TRIB1: variants seen among roughly 807,000 people sequenced by gnomAD.
TRIB1 encodes the protein tribbles pseudokinase 1.
TRIB1 carries 12 observed loss-of-function variants against 27.8 expected under a neutral mutation model. The ratio of observed to expected loss-of-function variants is 0.43; its 90% confidence interval spans 0.28 to 0.70. The LOEUF is 0.70. Ranked by LOEUF, TRIB1 falls within the 30% of genes least tolerant of loss-of-function variation. The pLI is 0.18. For missense variants in TRIB1, 475 were observed against 515.8 expected, an observed-to-expected ratio of 0.92 and a Z score of 0.77; for synonymous variants, 230 against 224.9, an observed-to-expected ratio of 1.02 and a Z score of -0.20.
At position 125,430,603 on chromosome 8, in the gene TRIB1, A is replaced by C; in HGVS notation, c.-300A>C. 1 of 293,960 alleles carries C rather than the reference A, an allele frequency of 3.4e-6. No homozygotes were observed. 18.2% of individuals were successfully genotyped at this position (293,960 alleles called of 1,614,324 possible). ...CGCCTCTGCCTCCCGGACTATCGGC[A>C]GCCTCGGCAACAATAGTGGCGGCCG... On this transcript the variant is annotated 5_prime_UTR_variant, in exon 1 of 3. Transcript: ENST00000311922.
At chr8:125,431,890 G>C (rs1408935456) in intron 1 of TRIB1, among the ~76,000 whole-genome samples, 1 of 152,188 alleles carries the variant, frequency 6.6e-6, no homozygotes, top group Non-Finnish European at 1.5e-5. Flanking sequence ...CACCGGCCAG[G>C]AACCCTCGCT....
In TRIB1 at chr8:125,436,394, G is replaced by T; in HGVS notation, c.1042G>T (p.Asp348Tyr). ...FESVLEPGYI[D>Y]SEIGTSDQIV... The stretch of plus-strand genomic sequence containing the variant: ...GTCCGTCTTGGAACCCGGGTACATC[G>T]ACTCAGAAATAGGAACTTCAGACCA... The change falls in exon 3 of 3, where the codon GAC becomes TAC. Residue 348 changes from aspartate (D) to tyrosine (Y), a missense_variant. Asp to Tyr is a radical substitution (Grantham distance 160). Coordinates refer to ENST00000311922, the MANE Select transcript of TRIB1 (RefSeq NM_025195.4). The T allele has an allele frequency of 6.2e-7, 1 of 1,613,250 alleles. No homozygotes were observed.
chr8:125,435,602 C>G (rs55709232), intron 2 of TRIB1, among the ~76,000 whole-genome samples: 37,295 of 152,104 alleles, frequency 0.25, 5,087 homozygotes, highest in Middle Eastern at 0.42. Context: ...GATGCTCAGG[C>G]CCTCTCTGAA....
chr8:125,431,167 A>G lies in TRIB1; in HGVS notation c.265A>G (p.Ser89Gly), dbSNP rs1814649424. ...GGGSGSAPGP[S>G]RIADYLLLPL... ...AGGCTCCGGGAGCGCGCCGGGGCCC[A>G]GCCGCATCGCCGACTACCTGCTGCT... Residue 89 changes from serine (S) to glycine (G), a missense_variant, in exon 1 of 3, where the codon AGC becomes GGC. Coordinates refer to ENST00000311922, the MANE Select transcript of TRIB1 (RefSeq NM_025195.4). The G allele has an allele frequency of 1.5e-6, 2 of 1,302,472 alleles. No homozygotes were observed. Among genetic ancestry groups the G allele is most frequent in the Non-Finnish European group, 1.9e-6 (2 of 1,031,690 alleles). 80.7% of individuals were successfully genotyped at this position (1,302,472 alleles called of 1,614,324 possible). A position where few individuals can be genotyped will look rare whatever the true frequency, so the allele number is the denominator to read the frequency against.
chr8:125,436,564 A>G lies in TRIB1; in HGVS notation c.*93A>G. 8.2e-7 allele frequency: 1 copy of G among 1,223,444 alleles called. No homozygotes were observed. The highest frequency in any genetic ancestry group is 2.4e-5 in the East Asian group (1 of 42,252). The allele number at this position is 1,223,444 out of a possible 1,614,324, so 75.8% of individuals were successfully genotyped here. A position where few individuals can be genotyped will look rare whatever the true frequency, so the allele number is the denominator to read the frequency against. On this transcript the variant is annotated 3_prime_UTR_variant, in exon 3 of 3. Transcript: ENST00000311922. Reference sequence around the variant, plus strand: ...CCTTTGGCGTGGTACCAACCAGATAATGACTGCATCAGGATGAAAGCTGCT... The same window carrying G: ...CCTTTGGCGTGGTACCAACCAGATAGTGACTGCATCAGGATGAAAGCTGCT...
chr8:125,433,651 A>G lies in TRIB1; in HGVS notation c.653+42A>G, dbSNP rs1455427714. Reference sequence around the variant, plus strand: ...GCTTCTCCTGTGGCCTTTTGGAACCAAAGCGGAGGTGCAGGTCATGTAGTT... The same window carrying G: ...GCTTCTCCTGTGGCCTTTTGGAACCGAAGCGGAGGTGCAGGTCATGTAGTT... On this transcript the variant is annotated intron_variant, in intron 2 of 2. Coordinates refer to ENST00000311922, the MANE Select transcript of TRIB1 (RefSeq NM_025195.4). This position sits in a 1 kb window ranked among gnomAD's most constrained non-coding sequence, Gnocchi z 4.4. 1 of 1,586,096 alleles carries G rather than the reference A, an allele frequency of 6.3e-7. No homozygotes were observed. The highest frequency in any genetic ancestry group is 8.6e-7 in the Non-Finnish European group (1 of 1,162,420).
Position 125,436,447 on chromosome 8 carries a change from T to G in TRIB1, c.1095T>G (p.Ser365Arg), listed in dbSNP as rs1390535508. ...TTGTTCCAGAGTACCAGGAGGACAG[T>G]GACATTAGTTCCTTCTTCTGCTAAT... ...DQIVPEYQED[S>R]DISSFFC Residue 365 changes from serine (S) to arginine (R), a missense_variant, in exon 3 of 3, where the codon AGT becomes AGG. Transcript: ENST00000311922. 1 of 1,613,962 alleles carries G rather than the reference T, an allele frequency of 6.2e-7. No homozygotes were observed. Among genetic ancestry groups the G allele is most frequent in the African/African-American group, 1.3e-5 (1 of 75,000 alleles).
At position 125,433,624 on chromosome 8, in the gene TRIB1, C is replaced by T; in HGVS notation, c.653+15C>T. The stretch of plus-strand genomic sequence containing the variant: ...ACGGAGGAGAGGTGAGCGGCCGCCA[C>T]AGCTTCTCCTGTGGCCTTTTGGAAC... On this transcript the variant is annotated intron_variant, in intron 2 of 2. Coordinates refer to ENST00000311922, the MANE Select transcript of TRIB1 (RefSeq NM_025195.4). The surrounding 1 kb of genome is among the most constrained non-coding windows in gnomAD (Gnocchi z 4.4). 6.3e-7 allele frequency: 1 copy of T among 1,597,058 alleles called. No homozygotes were observed. The highest frequency in any genetic ancestry group is 1.3e-5 in the African/African-American group (1 of 74,644).
Position 125,436,369 on chromosome 8 carries a change from G to T in TRIB1, c.1017G>T (p.Glu339Asp). 1 of 1,613,786 alleles carries T rather than the reference G, an allele frequency of 6.2e-7. No individual in the cohort carries two copies. The highest frequency in any genetic ancestry group is 8.5e-7 in the Non-Finnish European group (1 of 1,180,016). The change falls in exon 3 of 3, where the codon GAG (glutamate) becomes GAT (aspartate). Residue 339 changes from glutamate (E) to aspartate (D), a missense_variant. Physicochemically the swap from Glu to Asp is conservative, Grantham distance 45. Coordinates refer to ENST00000311922, the MANE Select transcript of TRIB1 (RefSeq NM_025195.4). ...AGATCCTACTGCACCCCTGGTTTGA[G>T]TCCGTCTTGGAACCCGGGTACATCG... is the stretch of plus-strand genomic sequence containing the variant. Reference protein sequence around the residue: ...APEILLHPWFESVLEPGYIDS... With the variant: ...APEILLHPWFDSVLEPGYIDS...
At position 125,433,539 on chromosome 8, in the gene TRIB1, C is replaced by G; in HGVS notation, c.583C>G (p.His195Asp). The G allele has an allele frequency of 6.2e-7, 1 of 1,613,886 alleles. No homozygotes were observed. Among genetic ancestry groups the G allele is most frequent in the Non-Finnish European group, 8.5e-7 (1 of 1,179,806 alleles). ...LFKQIVSAVA[H>D]CHQSAIVLGD... ...CAAGCAGATTGTCTCCGCCGTCGCC[C>G]ACTGCCACCAGTCAGCCATCGTGCT... Residue 195 changes from histidine (H) to aspartate (D), a missense_variant, in exon 2 of 3, where the codon CAC becomes GAC. His to Asp is a moderately conservative substitution (Grantham distance 81, BLOSUM62 -1). Coordinates refer to ENST00000311922, the MANE Select transcript of TRIB1 (RefSeq NM_025195.4). The surrounding 1 kb of genome is among the most constrained non-coding windows in gnomAD (Gnocchi z 4.4).
chr8:125,432,259 A>G (rs1814669389), intron 1 of TRIB1: 2 of 969,454 alleles, frequency 2.1e-6, no homozygotes, highest in Non-Finnish European at 2.4e-6. Flanking sequence ...GCCCAGTTTA[A>G]TAGGGAGGAA....
At chr8:125,431,309 C>CG in intron 1 of TRIB1, 47 bp downstream of exon 1, 2 of 1,252,190 alleles carry the variant, frequency 1.6e-6, no homozygotes, top group Non-Finnish European at 2.0e-6. Flanking sequence ...GGGCGCGGGA[C>CG]GGGGTGGTAG....
chr8:125,432,546 G>A (rs2980874), intron 1 of TRIB1, among the ~76,000 whole-genome samples: 45,631 of 151,974 alleles, frequency 0.3, 7,762 homozygotes, highest in East Asian at 0.44. Context: ...TAACTGGACT[G>A]AACAAAAGGC....
At position 125,433,541 on chromosome 8, in the gene TRIB1, C is replaced by T. The variant is rs1426646037; in HGVS notation, c.585C>T (p.His195=). ...AGCAGATTGTCTCCGCCGTCGCCCA[C>T]TGCCACCAGTCAGCCATCGTGCTGG... ...LFKQIVSAVA[H]CHQSAIVLGD... is the part of the protein sequence containing the mutation. The change falls in exon 2 of 3, where the codon CAC becomes CAT. Residue 195 remains histidine (H), a synonymous_variant. Transcript: ENST00000311922. The surrounding 1 kb of genome is among the most constrained non-coding windows in gnomAD (Gnocchi z 4.4). 6.2e-7 allele frequency: 1 copy of T among 1,613,894 alleles called. No homozygotes were observed. Among genetic ancestry groups the T allele is most frequent in the Non-Finnish European group, 8.5e-7 (1 of 1,179,798 alleles).
chr8:125,433,568 G>T lies in TRIB1; in HGVS notation c.612G>T (p.Gly204=). 1.9e-6 allele frequency: 3 copies of T among 1,612,430 alleles called. No individual in the cohort carries two copies. Among genetic ancestry groups the T allele is most frequent in the Non-Finnish European group, 2.5e-6 (3 of 1,178,634 alleles). ...GCCACCAGTCAGCCATCGTGCTGGG[G>T]GACCTGAAGCTTAGGAAGTTCGTCT... The part of the protein sequence containing the change: ...AHCHQSAIVL[G]DLKLRKFVFS... The change falls in exon 2 of 3, where the codon GGG becomes GGT. Residue 204 remains glycine, a synonymous_variant. Transcript: ENST00000311922. The surrounding 1 kb of genome is among the most constrained non-coding windows in gnomAD (Gnocchi z 4.4).
rs749332662 is a variant in TRIB1 at position 125,436,384 on chromosome 8, C to T, written c.1032C>T (p.Pro344=). ...CCTGGTTTGAGTCCGTCTTGGAACC[C>T]GGGTACATCGACTCAGAAATAGGAA... ...LHPWFESVLE[P]GYIDSEIGTS... is the part of the protein sequence containing the mutation. Residue 344 remains proline (P), a synonymous_variant, in exon 3 of 3, where the codon CCC becomes CCT. Transcript: ENST00000311922. 1.4e-5 allele frequency: 23 copies of T among 1,613,852 alleles called. No homozygotes were observed. Among genetic ancestry groups the T allele is most frequent in the South Asian group, 9.9e-5 (9 of 91,070 alleles).
intron 2 of TRIB1, among the ~76,000 whole-genome samples, chr8:125,434,561 A>C (rs1814717494): frequency 6.6e-6 from 1 of 152,252 alleles, no homozygotes; most frequent in African/African-American, 2.4e-5. Context: ...AAGAAAAGCA[A>C]ACTGTTGGCA....
chr8:125,438,302 C>G lies in TRIB1; in HGVS notation c.*1831C>G, dbSNP rs1814789356. The G allele has an allele frequency of 2.6e-5, 4 of 152,460 alleles. No individual in the cohort carries two copies. The South Asian group carries it at 8.3e-4, about 32-fold the overall frequency. 9.4% of individuals were successfully genotyped at this position (152,460 alleles called of 1,614,324 possible). On this transcript the variant is annotated 3_prime_UTR_variant, in exon 3 of 3. Coordinates refer to ENST00000311922, the MANE Select transcript of TRIB1 (RefSeq NM_025195.4). The stretch of plus-strand genomic sequence containing the variant: ...CTGGCAGGGCCTTCTGCCGGGAAAG[C>G]TAGAAACACTAGGTTCTTCCTGTAC...
At position 125,430,977 on chromosome 8, in the gene TRIB1, C is replaced by T. The variant is rs1311855074; in HGVS notation, c.75C>T (p.Ala25=). 1.2e-5 allele frequency: 17 copies of T among 1,470,454 alleles called. No individual in the cohort carries two copies. Among genetic ancestry groups the T allele is most frequent in the Admixed American group, 5.0e-5 (2 of 39,734 alleles). 91.1% of individuals were successfully genotyped at this position (1,470,454 alleles called of 1,614,324 possible). Residue 25 remains alanine, a synonymous_variant, in exon 1 of 3, where the codon GCC becomes GCT. Transcript: ENST00000311922. ...GCGGCCCGGCCCTGCTCTTCCCAGCCACCCGAGGCGTCCCGGCCAAACGCC... is the reference window on the plus strand; with the variant it reads ...GCGGCCCGGCCCTGCTCTTCCCAGCTACCCGAGGCGTCCCGGCCAAACGCC... ...QPRGPALLFP[A]TRGVPAKRLL... is the part of the protein sequence containing the mutation.
Sources: gnomAD v4.1 joint callset for allele counts (sites outside exome capture counted in the v4.1 genomes callset) on GRCh38, gnomAD v4.1.1 for gene constraint, Gnocchi (gnomAD v3.1) non-coding constraint, MANE v1.5 for transcripts, NCBI Gene and HGNC (gene_info 2026-07-23, HGNC 2026-07-21) for gene names.